FARP2: variants seen among roughly 807,000 people sequenced by gnomAD.
FARP2 encodes FERM, ARHGEF and pleckstrin domain-containing protein 2.
In FARP2, 111 loss-of-function variants were observed where a neutral mutation model predicts 130.5. That is an observed-to-expected ratio of 0.85 (90% CI 0.73 to 1.00). The LOEUF (loss-of-function observed/expected upper bound fraction) is 1.00. FARP2 is among the 50% of genes least tolerant of loss of function. The pLI is 0.00. For missense variants in FARP2, 1,385 were observed against 1,346.3 expected (o/e 1.03, Z -0.45); for synonymous variants, 504 against 516.9 (o/e 0.98, Z 0.34).
At chr2:241,435,079 T>C in intron 11 of FARP2, 49 bp downstream of exon 11, 1 of 1,109,604 alleles carries the variant, frequency 9.0e-7, no homozygotes, top group South Asian at 1.4e-5. Flanking sequence ...AAAATTAAAA[T>C]TTAAATATAT....
chr2:241,463,301 C>A, intron 15 of FARP2, 34 bp from the exon 16 acceptor site: 1 of 1,603,624 alleles, frequency 6.2e-7, no homozygotes, highest in South Asian at 1.1e-5. Context: ...CCAACAAGAG[C>A]CACACCTCCC....
intron 12 of FARP2, among the ~76,000 whole-genome samples, chr2:241,441,000 G>A (rs751399445): frequency 1.3e-4 from 19 of 151,960 alleles, no homozygotes; most frequent in African/African-American, 3.1e-4. Flanking sequence ...GCAATACCCT[G>A]TCTCTAAAAA....
chr2:241,366,574 AGTGATC>A (rs2061326324), intron 1 of FARP2, among the ~76,000 whole-genome samples: 1 of 152,142 alleles, frequency 6.6e-6, no homozygotes, highest in Non-Finnish European at 1.5e-5. Flanking sequence ...TTTGTCTGAA[AGTGATC>A]TTCCTTTTCT....
In FARP2 at chr2:241,491,645, G is replaced by GC; in HGVS notation, c.2754dup (p.Val919ArgfsTer49). Reference sequence around the variant, plus strand: ...CACGTGTGCTGGTACCGGAACACCAGCGTGTCCAGGGCAGACCACAGTGCA... The same window carrying GC: ...CACGTGTGCTGGTACCGGAACACCAGCCGTGTCCAGGGCAGACCACAGTGCA... On this transcript the variant is annotated frameshift_variant, in exon 24 of 27. Transcript: ENST00000264042. LOFTEE classifies it high-confidence loss of function. 6.2e-7 allele frequency: 1 copy of GC among 1,612,854 alleles called. No homozygotes were observed. Among genetic ancestry groups the GC allele is most frequent in the Non-Finnish European group, 8.5e-7 (1 of 1,179,518 alleles).
At chr2:241,428,234 C>CTTTTTTTTT (rs11397989) in intron 8 of FARP2, among the ~76,000 whole-genome samples, 3 of 124,974 alleles carry the variant, frequency 2.4e-5, no homozygotes, top group Non-Finnish European at 3.2e-5. Flanking sequence ...CAATATTTTA[C>CTTTTTTTTT]TTTTTTTTTT....
rs369631756 is a variant in FARP2 at position 241,418,067 on chromosome 2, G to T, written c.729G>T (p.Lys243Asn). 64 of 1,614,092 alleles carry T rather than the reference G, an allele frequency of 4.0e-5. No individual in the cohort carries two copies. Among genetic ancestry groups the T allele is most frequent in the Non-Finnish European group, 5.4e-5 (64 of 1,180,050 alleles). Residue 243 changes from lysine (K) to asparagine (N), a missense_variant, in exon 8 of 27, where the codon AAG (lysine) becomes AAT (asparagine). Coordinates refer to ENST00000264042, the MANE Select transcript of FARP2 (RefSeq NM_014808.4). ...TGGCTTCTGACAGGGAAGGAACCAA[G>T]ATTCAACTGGCAGTTTCCCACATGG... is the stretch of plus-strand genomic sequence containing the variant. ...FHMASDREGT[K>N]IQLAVSHMGV...
intron 4 of FARP2, among the ~76,000 whole-genome samples, chr2:241,406,331 A>C (rs1001009379): frequency 6.6e-6 from 1 of 151,880 alleles, no homozygotes; most frequent in Non-Finnish European, 1.5e-5. Context: ...CAAAACAAAA[A>C]CATAAACTGG....
At position 241,413,218 on chromosome 2, in the gene FARP2, A is replaced by T. The variant is rs542616819; in HGVS notation, c.509-89A>T. The T allele has an allele frequency of 6.7e-4, 481 of 715,394 alleles. 8 individuals carry two copies. In the South Asian group the frequency reaches 9.7e-3, roughly 14 times the overall value. 44.3% of individuals were successfully genotyped at this position (715,394 alleles called of 1,614,324 possible). ...ATTCTTTTGCTACAAATTTGGGATA[A>T]TTTTTTTTTACTTTTAATGTATGCA... On this transcript the variant is annotated intron_variant, in intron 6 of 26. Coordinates refer to ENST00000264042, the MANE Select transcript of FARP2 (RefSeq NM_014808.4).
chr2:241,493,052 T>C lies in FARP2; in HGVS notation c.2895+16T>C. 2.2e-6 allele frequency: 3 copies of C among 1,380,262 alleles called. No homozygotes were observed. The highest frequency in any genetic ancestry group is 3.1e-6 in the Non-Finnish European group (3 of 966,072). The allele number at this position is 1,380,262 out of a possible 1,614,324, so 85.5% of individuals were successfully genotyped here. A position where few individuals can be genotyped will look rare whatever the true frequency, so the allele number is the denominator to read the frequency against. On this transcript the variant is annotated intron_variant, in intron 25 of 26. Transcript: ENST00000264042. ...AACTCATCAGGTACTGGAGTTTCAC[T>C]GGAGCCCAATGCAGGTGATGCTAGC...
chr2:241,471,912 G>GAACCTCTTCTGTGGGA (rs2064324023), intron 18 of FARP2, among the ~76,000 whole-genome samples: 1 of 152,176 alleles, frequency 6.6e-6, no homozygotes, highest in Middle Eastern at 3.4e-3. Context: ...GTTCTGTGGG[G>GAACCTCTTCTGTGGGA]ACCCTGTTCT....
intron 12 of FARP2, among the ~76,000 whole-genome samples, chr2:241,439,530 C>T (rs929347803): frequency 5.3e-5 from 8 of 151,964 alleles, no homozygotes; most frequent in East Asian, 1.9e-4. Flanking sequence ...AGGGTTTCAC[C>T]GTGTTAGCCA....
chr2:241,374,441 CAA>C (rs1233271413), intron 2 of FARP2, among the ~76,000 whole-genome samples: 1 of 152,182 alleles, frequency 6.6e-6, no homozygotes, highest in East Asian at 1.9e-4. Flanking sequence ...AAAGTAAGGA[CAA>C]GAGAATGAAT....
At chr2:241,491,282 A>C in intron 23 of FARP2, 103 bp downstream of exon 23, 1 of 927,862 alleles carries the variant, frequency 1.1e-6, no homozygotes, top group Non-Finnish European at 1.7e-6. Flanking sequence ...AAGTTCCCAC[A>C]CAATCCCCTT....
At chr2:241,374,422 A>G (rs2061490196) in intron 2 of FARP2, among the ~76,000 whole-genome samples, 1 of 152,254 alleles carries the variant, frequency 6.6e-6, no homozygotes, top group Non-Finnish European at 1.5e-5. Context: ...TCTTGCTCTT[A>G]ATGGCACAAA....
At position 241,357,020 on chromosome 2, in the gene FARP2, AC is replaced by A. The variant is rs1429820153; in HGVS notation, c.-25+633del. Among the ~76,000 whole-genome samples the A allele has an allele frequency of 3.3e-5, 5 of 152,386 alleles. No individual in the cohort carries two copies. The South Asian group carries it at 8.3e-4, about 25-fold the overall frequency. ...ACTGGGGACCAGAATATGGCCCAGTACATTACACACCCGAATTACGGGCACC... is the reference window on the plus strand; with the variant it reads ...ACTGGGGACCAGAATATGGCCCAGTAATTACACACCCGAATTACGGGCACC... On this transcript the variant is annotated intron_variant, in intron 1 of 26. Transcript: ENST00000264042.
chr2:241,372,717 G>T lies in FARP2; in HGVS notation c.-24-367G>T, dbSNP rs140258661. On this transcript the variant is annotated intron_variant, in intron 1 of 26. Coordinates refer to ENST00000264042, the MANE Select transcript of FARP2 (RefSeq NM_014808.4). ...GGCTGGTGGCGAGAGGTGTGCCAGG[G>T]AGTGGGCAGCCTAGGGTTGGTGTGG... 2.1e-3 allele frequency: 324 copies of T among 154,816 alleles called. 2 individuals carry two copies. The highest frequency in any genetic ancestry group is 7.4e-3 in the African/African-American group (310 of 41,662). 9.6% of individuals were successfully genotyped at this position (154,816 alleles called of 1,614,324 possible). A position where few individuals can be genotyped will look rare whatever the true frequency, so the allele number is the denominator to read the frequency against.
chr2:241,372,605 A>G (rs1218977930), intron 1 of FARP2: 2 of 152,252 alleles, frequency 1.3e-5, no homozygotes, highest in Non-Finnish European at 2.9e-5. Flanking sequence ...ACACGCGTTG[A>G]TGCTGTGCTT....
rs1038740107 is a variant in FARP2, at chr2:241,479,075, C to T, written c.2262+3088C>T. On this transcript the variant is annotated intron_variant, in intron 19 of 26. Coordinates refer to ENST00000264042, the MANE Select transcript of FARP2 (RefSeq NM_014808.4). ...CTACCATGTCCAGGAAGCTTGGCTGCGAGAAGGAACCTGCTTTTGATCATT... is the reference window on the plus strand; with the variant it reads ...CTACCATGTCCAGGAAGCTTGGCTGTGAGAAGGAACCTGCTTTTGATCATT... The T allele has an allele frequency of 3.7e-4, 185 of 494,970 alleles. 1 individual carries two copies. The highest frequency in any genetic ancestry group is 8.1e-4 in the Admixed American group (25 of 31,024). The allele number at this position is 494,970 out of a possible 1,614,324, so 30.7% of individuals were successfully genotyped here.
intron 13 of FARP2, among the ~76,000 whole-genome samples, chr2:241,453,773 T>TG (rs1559786276): frequency 5.6e-4 from 11 of 19,608 alleles, no homozygotes; most frequent in Non-Finnish European, 5.9e-4. Context: ...TTACTGGTTT[T>TG]TTTTTTTTTT....
Sources: allele counts gnomAD v4.1 joint callset (sites outside exome capture counted in the v4.1 genomes callset), GRCh38; gene constraint gnomAD v4.1.1; transcripts MANE v1.5; gene names NCBI Gene and HGNC (gene_info 2026-07-23, HGNC 2026-07-21).